Variants in RPS6KA5 observed in about 807,000 individuals in gnomAD.
RPS6KA5 encodes ribosomal protein S6 kinase alpha-5.
RPS6KA5 carries 27 observed loss-of-function variants against 85.5 expected under a neutral mutation model. The ratio of observed to expected loss-of-function variants is 0.32; its 90% CI spans 0.23 to 0.44. RPS6KA5 has a LOEUF of 0.44. RPS6KA5 is among the 20% of genes least tolerant of loss of function. The pLI, the probability that RPS6KA5 is intolerant of heterozygous loss-of-function variation, is 1.00. For synonymous variants in RPS6KA5, 334 were observed against 348.2 expected (o/e 0.96, Z 0.46); for missense variants, 811 against 980.9 (o/e 0.83, Z 2.31).
chr14:91,000,363 T>C (rs2040731825), intron 2 of RPS6KA5, among the ~76,000 whole-genome samples: 1 of 152,208 alleles, frequency 6.6e-6, no homozygotes, highest in Admixed American at 6.5e-5. Flanking sequence ...TAAACAGTCC[T>C]GGGTTTTTCA....
chr14:91,043,667 A>C (rs1363455135), intron 1 of RPS6KA5, among the ~76,000 whole-genome samples: 1 of 152,238 alleles, frequency 6.6e-6, no homozygotes, highest in Non-Finnish European at 1.5e-5. Context: ...ATAGATGTCC[A>C]TCAGAATATG....
chr14:90,971,319 GA>G (rs565694136), intron 3 of RPS6KA5, among the ~76,000 whole-genome samples: 2 of 151,142 alleles, frequency 1.3e-5, no homozygotes, highest in Non-Finnish European at 3.0e-5. Context: ...ATCTCAAAAA[GA>G]AAAAAAAATT....
intron 2 of RPS6KA5, among the ~76,000 whole-genome samples, chr14:90,981,047 T>G (rs1283235866): frequency 1.3e-4 from 20 of 152,210 alleles, no homozygotes; most frequent in Admixed American, 1.3e-3. Context: ...GGCCTATGCC[T>G]GTAATCCCAG....
intron 5 of RPS6KA5, among the ~76,000 whole-genome samples, chr14:90,933,975 T>C (rs989282630): frequency 1.3e-5 from 2 of 152,228 alleles, no homozygotes; most frequent in Non-Finnish European, 2.9e-5. Context: ...TCTACTGCAC[T>C]ATCACCTTGG....
At chr14:90,927,446 G>A (rs1483194630) in intron 5 of RPS6KA5, among the ~76,000 whole-genome samples, 94 of 152,020 alleles carry the variant, frequency 6.2e-4, no homozygotes, top group Non-Finnish European at 1.2e-4. Flanking sequence ...CCAGCTATAT[G>A]TTATTTATAA....
chr14:91,059,929 G>C (rs1036117665), intron 1 of RPS6KA5: 1 of 643,146 alleles, frequency 1.6e-6, no homozygotes, highest in African/African-American at 2.0e-5. Flanking sequence ...GCGGAGGAGG[G>C]AGACACTCTC....
At chr14:90,999,350 T>C (rs536209315) in intron 2 of RPS6KA5, among the ~76,000 whole-genome samples, 3 of 152,314 alleles carry the variant, frequency 2.0e-5, no homozygotes, top group South Asian at 2.1e-4. Context: ...GCAGATACCC[T>C]TATATGGACA....
chr14:90,920,127 T>C, intron 7 of RPS6KA5, 79 bp downstream of exon 7: 1 of 936,284 alleles, frequency 1.1e-6, no homozygotes, highest in Non-Finnish European at 1.8e-6. Context: ...AAAATTATCG[T>C]TTACATCAGC....
At chr14:90,927,874 A>G (rs1367877567) in intron 5 of RPS6KA5, among the ~76,000 whole-genome samples, 1 of 151,916 alleles carries the variant, frequency 6.6e-6, no homozygotes, top group Non-Finnish European at 1.5e-5. Context: ...GTATCCATCA[A>G]TTAGAGAATA....
chr14:91,057,649 T>C (rs1052952795), intron 1 of RPS6KA5, among the ~76,000 whole-genome samples: 2 of 152,240 alleles, frequency 1.3e-5, no homozygotes, highest in African/African-American at 2.4e-5. Flanking sequence ...AGCCAGGCAA[T>C]GTGACATAGG....
At chr14:90,977,280 A>C (rs1363926025) in intron 3 of RPS6KA5, among the ~76,000 whole-genome samples, 1 of 152,232 alleles carries the variant, frequency 6.6e-6, no homozygotes, top group African/African-American at 2.4e-5. Flanking sequence ...AAATTAAAAC[A>C]AGCACGGGAC....
intron 3 of RPS6KA5, among the ~76,000 whole-genome samples, chr14:90,949,736 G>C (rs1022057013): frequency 5.6e-5 from 7 of 125,240 alleles, no homozygotes; most frequent in African/African-American, 1.8e-4. Context: ...AAGTCTCTCT[G>C]AGCTTCAGTT....
intron 2 of RPS6KA5, among the ~76,000 whole-genome samples, chr14:90,996,140 T>C (rs1351863764): frequency 2.0e-5 from 3 of 151,894 alleles, no homozygotes; most frequent in South Asian, 2.1e-4. Context: ...GCATCCCTAG[T>C]AGCTGGGACT....
intron 4 of RPS6KA5, among the ~76,000 whole-genome samples, chr14:90,946,259 C>T (rs1390590831): frequency 6.6e-6 from 1 of 151,632 alleles, no homozygotes; most frequent in African/African-American, 2.4e-5. Context: ...CTTGACTGCA[C>T]CTCGTTCCCC....
intron 13 of RPS6KA5, among the ~76,000 whole-genome samples, chr14:90,892,126 G>T (rs551038087): frequency 6.6e-6 from 1 of 151,660 alleles, no homozygotes; most frequent in Non-Finnish European, 1.5e-5. Flanking sequence ...AGCCTCCCAA[G>T]TACCTGGGAT....
In RPS6KA5 at chr14:91,027,593, C is replaced by T. The variant is rs75658211; in HGVS notation, c.104-26434G>A. Reference sequence around the variant, plus strand: ...ACTCATAATTATCTACATTATATTACAGTAACATATTAGCCCAAAATTTCT... The same window carrying T: ...ACTCATAATTATCTACATTATATTATAGTAACATATTAGCCCAAAATTTCT... On this transcript the variant is annotated intron_variant, in intron 1 of 16. Transcript: ENST00000614987. 1.1e-3 allele frequency among the ~76,000 whole-genome samples: 167 copies of T among 152,274 alleles called. 2 individuals carry two copies. The East Asian group carries it at 0.017, about 15-fold the overall frequency.
intron 1 of RPS6KA5, among the ~76,000 whole-genome samples, chr14:91,030,761 G>A (rs2042159364): frequency 6.6e-6 from 1 of 151,096 alleles, no homozygotes; most frequent in Admixed American, 6.6e-5. Flanking sequence ...CAATTAAGAA[G>A]AAATAAAACA....
At chr14:90,900,484 T>C (rs2035103479) in intron 10 of RPS6KA5, 127 bp downstream of exon 10, 5 of 901,222 alleles carry the variant, frequency 5.5e-6, no homozygotes, top group South Asian at 4.9e-5. Context: ...AGGGAAAATA[T>C]TGCTATATCC....
At position 90,852,912 on chromosome 14, in the gene RPS6KA5, T is replaced by C. The variant is rs2032082563; in HGVS notation, c.*19162A>G. 1 of 152,154 alleles carries C rather than the reference T, an allele frequency of 6.6e-6. No individual in the cohort carries two copies. Among genetic ancestry groups the C allele is most frequent in the Non-Finnish European group, 1.5e-5 (1 of 68,170 alleles). 9.4% of individuals were successfully genotyped at this position (152,154 alleles called of 1,614,324 possible). ...GCCCGGCTAATTTTTGTTGTATTTTTAGTAGAGACAGGGTTTCACCATGTT... is the reference window on the plus strand; with the variant it reads ...GCCCGGCTAATTTTTGTTGTATTTTCAGTAGAGACAGGGTTTCACCATGTT... On this transcript the variant is annotated 3_prime_UTR_variant, in exon 17 of 17. Coordinates refer to ENST00000614987, the MANE Select transcript of RPS6KA5 (RefSeq NM_004755.4).
Sources: allele counts gnomAD v4.1 joint callset (sites outside exome capture counted in the v4.1 genomes callset), GRCh38; gene constraint gnomAD v4.1.1; transcripts MANE v1.5; gene names NCBI Gene and HGNC (gene_info 2026-07-23, HGNC 2026-07-21).